The following ATRNL1 variants were observed in gnomAD, a reference collection of about 807,000 sequenced individuals.
The protein encoded by ATRNL1 is attractin like 1.
A neutral mutation model predicts 182.7 loss-of-function variants in ATRNL1; 95 were observed. The observed-to-expected ratio is 0.52, with a 90% CI of 0.44 to 0.62. The LOEUF is 0.62. Among genes scored for constraint, ATRNL1 ranks in the 20% least tolerant of loss-of-function variants. The pLI, the probability that ATRNL1 is intolerant of heterozygous loss-of-function variation, is 0.00. For synonymous variants in ATRNL1, 576 were observed against 568.3 expected, an observed-to-expected ratio of 1.01 and a Z score of -0.19; for missense variants, 1,471 against 1,679.5, an observed-to-expected ratio of 0.88 and a Z score of 2.17.
intron 2 of ATRNL1, 43 bp from the exon 3 acceptor site, chr10:115,121,656 T>C: frequency 1.2e-6 from 1 of 846,768 alleles, no homozygotes; most frequent in Non-Finnish European, 1.8e-6. Context: ...CACTCTGTGC[T>C]TTGTATATTT....
chr10:115,621,270 T>TAGAGAGAGAG (rs1229958568), intron 26 of ATRNL1, among the ~76,000 whole-genome samples: 3 of 55,516 alleles, frequency 5.4e-5, no homozygotes, highest in East Asian at 3.8e-4. Context: ...TATATATATA[T>TAGAGAGAGAG]ATATATAGAG....
chr10:115,868,954 C>T (rs1374625861), intron 28 of ATRNL1, among the ~76,000 whole-genome samples: 1 of 151,080 alleles, frequency 6.6e-6, no homozygotes, highest in African/African-American at 2.4e-5. Context: ...CTCAGCCGCC[C>T]GAGTAGCTGG....
chr10:115,878,545 G>A (rs1226463971), intron 28 of ATRNL1, among the ~76,000 whole-genome samples: 1 of 152,128 alleles, frequency 6.6e-6, no homozygotes, highest in Non-Finnish European at 1.5e-5. Flanking sequence ...GATTAATCTG[G>A]GGTACAAGTA....
intron 26 of ATRNL1, among the ~76,000 whole-genome samples, chr10:115,665,526 G>A (rs555458011): frequency 3.3e-5 from 5 of 152,108 alleles, no homozygotes; most frequent in Non-Finnish European, 5.9e-5. Context: ...GGCAGATGAC[G>A]AGGAGGAAGA....
At chr10:115,524,945 A>C (rs531752010) in intron 25 of ATRNL1, among the ~76,000 whole-genome samples, 20 of 152,270 alleles carry the variant, frequency 1.3e-4, no homozygotes, top group South Asian at 8.3e-4. Flanking sequence ...TTCCTCCTGT[A>C]CTGTATATAT....
At chr10:115,725,966 A>T (rs1947583561) in intron 26 of ATRNL1, among the ~76,000 whole-genome samples, 1 of 152,196 alleles carries the variant, frequency 6.6e-6, no homozygotes. Context: ...CTTCAAAAAA[A>T]TGTGATCTAC....
At chr10:115,102,425 T>C (rs1456461813) in intron 1 of ATRNL1, among the ~76,000 whole-genome samples, 1 of 150,788 alleles carries the variant, frequency 6.6e-6, no homozygotes, top group African/African-American at 2.5e-5. Context: ...TATTAATGTA[T>C]GTATATGTGT....
At chr10:115,588,404 A>T (rs1249525505) in intron 26 of ATRNL1, among the ~76,000 whole-genome samples, 2 of 152,316 alleles carry the variant, frequency 1.3e-5, no homozygotes, top group East Asian at 3.9e-4. Flanking sequence ...TTCCTGAGAG[A>T]CCATAGAATG....
chr10:115,214,067 C>CACAT (rs1297035795), intron 8 of ATRNL1, among the ~76,000 whole-genome samples: 25 of 150,126 alleles, frequency 1.7e-4, no homozygotes, highest in African/African-American at 2.4e-4. Flanking sequence ...CACACACACA[C>CACAT]ATATATATAA....
At chr10:115,116,142 ATAATACT>A (rs1270339733) in intron 1 of ATRNL1, among the ~76,000 whole-genome samples, 1 of 152,104 alleles carries the variant, frequency 6.6e-6, no homozygotes, top group Non-Finnish European at 1.5e-5. Flanking sequence ...GCAATCTTAG[ATAATACT>A]TAAACAAACT....
At chr10:115,637,773 C>G (rs1858979995) in intron 26 of ATRNL1, among the ~76,000 whole-genome samples, 1 of 151,728 alleles carries the variant, frequency 6.6e-6, no homozygotes, top group Non-Finnish European at 1.5e-5. Context: ...TCCAGGCATG[C>G]ACCACCACAC....
Position 115,284,939 on chromosome 10 carries a change from C to G in ATRNL1, c.2234-1277C>G, listed in dbSNP as rs533751778. 2.6e-5 allele frequency among the ~76,000 whole-genome samples: 4 copies of G among 152,262 alleles called. No individual in the cohort carries two copies. The East Asian group carries it at 5.8e-4, about 22-fold the overall frequency. The stretch of plus-strand genomic sequence containing the variant: ...GGAGAGGACACCCAATACCTACATT[C>G]TAGATTCTGCAATTAACATATTGCT... On this transcript the variant is annotated intron_variant, in intron 14 of 28. Transcript: ENST00000355044.
chr10:115,642,279 T>C (rs1322091081), intron 26 of ATRNL1, among the ~76,000 whole-genome samples: 1 of 152,096 alleles, frequency 6.6e-6, no homozygotes, highest in Non-Finnish European at 1.5e-5. Context: ...TACATATGAA[T>C]TTAACAAAGT....
At chr10:115,126,647 A>C (rs1844986899) in intron 3 of ATRNL1, among the ~76,000 whole-genome samples, 1 of 152,224 alleles carries the variant, frequency 6.6e-6, no homozygotes, top group Non-Finnish European at 1.5e-5. Flanking sequence ...TATTTTCTAA[A>C]TCAATTATTT....
chr10:115,445,213 G>A (rs1344514413), intron 21 of ATRNL1, among the ~76,000 whole-genome samples: 3 of 150,270 alleles, frequency 2.0e-5, no homozygotes, highest in East Asian at 2.0e-4. Flanking sequence ...TAGATCACCT[G>A]AGGTCAGGAG....
chr10:115,302,336 C>T (rs1353998316), intron 17 of ATRNL1, among the ~76,000 whole-genome samples: 2 of 152,160 alleles, frequency 1.3e-5, no homozygotes, highest in Non-Finnish European at 2.9e-5. Flanking sequence ...GAGTGTTCAC[C>T]TCAAACATCA....
chr10:115,718,951 A>ACAT (rs1235649603), intron 26 of ATRNL1, among the ~76,000 whole-genome samples: 1 of 152,190 alleles, frequency 6.6e-6, no homozygotes, highest in Non-Finnish European at 1.5e-5. Context: ...GTCACCCCAT[A>ACAT]CATCAGTTAC....
chr10:115,570,807 G>C (rs1592869399), intron 26 of ATRNL1, among the ~76,000 whole-genome samples: 1 of 151,798 alleles, frequency 6.6e-6, no homozygotes. Context: ...ATGTATAAAG[G>C]CATCCTCAGG....
At chr10:115,162,816 C>G (rs1285445886) in intron 6 of ATRNL1, among the ~76,000 whole-genome samples, 3 of 151,406 alleles carry the variant, frequency 2.0e-5, no homozygotes, top group Non-Finnish European at 4.4e-5. Context: ...ACCTGGAGTA[C>G]AGTATCTTCA....
Sources: gnomAD v4.1 joint callset for allele counts (sites outside exome capture counted in the v4.1 genomes callset) on GRCh38, gnomAD v4.1.1 for gene constraint, MANE v1.5 for transcripts, NCBI Gene and HGNC (gene_info 2026-07-23, HGNC 2026-07-21) for gene names.